Variants in GAD2 observed in about 807,000 individuals in gnomAD.
GAD2 encodes glutamate decarboxylase 2, also known as 65 kDa glutamic acid decarboxylase.
GAD2 carries 22 observed loss-of-function variants against 80.1 expected under a neutral mutation model. The observed-to-expected ratio is 0.27, with a 90% CI of 0.20 to 0.39. The LOEUF (loss-of-function observed/expected upper bound fraction) is 0.39. GAD2 is among the 10% of genes least tolerant of loss of function. The pLI is 1.00. For synonymous variants in GAD2, 274 were observed against 256.9 expected (o/e 1.07, Z -0.64); for missense variants, 624 against 738.4 (o/e 0.85, Z 1.80).
chr10:26,252,542 C>T (rs1844891835), intron 8 of GAD2, among the ~76,000 whole-genome samples: 1 of 151,868 alleles, frequency 6.6e-6, no homozygotes, highest in South Asian at 2.1e-4. Flanking sequence ...AGGATCTTAT[C>T]ATGTCACCAT....
chr10:26,231,071 C>T (rs887335526), intron 7 of GAD2, among the ~76,000 whole-genome samples: 1 of 152,146 alleles, frequency 6.6e-6, no homozygotes, highest in Non-Finnish European at 1.5e-5. Flanking sequence ...GCCTGGGCAA[C>T]AGAGCCACAC....
chr10:26,240,731 C>CAAA (rs35729928), intron 7 of GAD2, among the ~76,000 whole-genome samples: 106 of 123,332 alleles, frequency 8.6e-4, no homozygotes, highest in East Asian at 2.2e-3. Flanking sequence ...GACTCCATCA[C>CAAA]AAAAAAAAAA....
In GAD2 at chr10:26,286,403, A is replaced by G; in HGVS notation, c.1295A>G (p.His432Arg). 2 of 1,614,040 alleles carry G rather than the reference A, an allele frequency of 1.2e-6. No individual in the cohort carries two copies. Among genetic ancestry groups the G allele is most frequent in the Non-Finnish European group, 1.7e-6 (2 of 1,179,932 alleles). ...TCCTACCTCTTTCAGCAAGATAAAC[A>G]TTATGACCTGTCCTATGACACTGGA... ...HASYLFQQDKHYDLSYDTGDK... is the reference protein window; with the variant it reads ...HASYLFQQDKRYDLSYDTGDK... The change falls in exon 13 of 16, where the codon CAT (histidine) becomes CGT (arginine). Residue 432 changes from histidine (H) to arginine (R), a missense_variant. By Grantham distance (29) the His-to-Arg change is conservative. Coordinates refer to ENST00000376261, the MANE Select transcript of GAD2 (RefSeq NM_001134366.2).
chr10:26,242,860 C>A (rs781764546), intron 7 of GAD2, among the ~76,000 whole-genome samples: 1 of 152,174 alleles, frequency 6.6e-6, no homozygotes, highest in East Asian at 1.9e-4. Flanking sequence ...TACTTATCCC[C>A]AGTTCGCCTT....
intron 7 of GAD2, among the ~76,000 whole-genome samples, chr10:26,235,020 A>G (rs1844654091): frequency 6.6e-6 from 1 of 152,060 alleles, no homozygotes; most frequent in Non-Finnish European, 1.5e-5. Context: ...CTACAGGTGC[A>G]TGCCACCACA....
intron 11 of GAD2, among the ~76,000 whole-genome samples, chr10:26,275,624 A>G (rs1845191738): frequency 6.6e-6 from 1 of 152,260 alleles, no homozygotes; most frequent in African/African-American, 2.4e-5. Flanking sequence ...TCACTGACTT[A>G]TTAGCAAAAG....
chr10:26,262,387 G>T (rs929090732), intron 8 of GAD2, among the ~76,000 whole-genome samples: 2 of 149,938 alleles, frequency 1.3e-5, no homozygotes. Context: ...GCTTTACATA[G>T]AATGCTTTAA....
intron 6 of GAD2, among the ~76,000 whole-genome samples, chr10:26,226,351 G>C (rs1844522641): frequency 6.6e-6 from 1 of 152,162 alleles, no homozygotes; most frequent in East Asian, 1.9e-4. Flanking sequence ...TTTTCACATG[G>C]AGAAGACTTC....
intron 7 of GAD2, among the ~76,000 whole-genome samples, chr10:26,245,164 A>G (rs984413946): frequency 7.0e-6 from 1 of 143,786 alleles, no homozygotes; most frequent in South Asian, 2.1e-4. Context: ...AAAAAAAAAA[A>G]AAAAAGAAAA....
rs57131618 is a variant in GAD2, at chr10:26,236,627, T to C, written c.840+6850T>C. ...TAAAGATGACTTTCACGTATCATTA[T>C]TGGAGAGGTTTTTAGTTTCAAAAAT... On this transcript the variant is annotated intron_variant, in intron 7 of 15. Transcript: ENST00000376261. 4.9e-4 allele frequency among the ~76,000 whole-genome samples: 74 copies of C among 152,332 alleles called. No individual in the cohort carries two copies. The East Asian group carries it at 0.014, about 29-fold the overall frequency.
At chr10:26,286,598 T>A (rs1221051398) in intron 13 of GAD2, 104 bp downstream of exon 13, 1 of 1,187,514 alleles carries the variant, frequency 8.4e-7, no homozygotes, top group Non-Finnish European at 1.1e-6. Flanking sequence ...GAAATTTCCT[T>A]ACCCAAGATT....
At chr10:26,218,507 A>G (rs888420574) in intron 3 of GAD2, among the ~76,000 whole-genome samples, 4 of 151,820 alleles carry the variant, frequency 2.6e-5, no homozygotes, top group Admixed American at 2.0e-4. Context: ...GTACGCGCGC[A>G]CACACACATG....
At chr10:26,224,500 G>C in intron 5 of GAD2, 39 bp from the exon 6 acceptor site, 1 of 1,147,768 alleles carries the variant, frequency 8.7e-7, no homozygotes, top group Non-Finnish European at 1.3e-6. Flanking sequence ...TTATTTATCT[G>C]AGTTACAGAG....
At chr10:26,242,772 A>G (rs926609541) in intron 7 of GAD2, among the ~76,000 whole-genome samples, 1 of 152,118 alleles carries the variant, frequency 6.6e-6, no homozygotes, top group Non-Finnish European at 1.5e-5. Context: ...ATTGCTCCTC[A>G]TTTAAGAACC....
intron 11 of GAD2, among the ~76,000 whole-genome samples, chr10:26,279,891 A>G (rs1363658010): frequency 1.3e-5 from 2 of 152,224 alleles, no homozygotes; most frequent in Non-Finnish European, 2.9e-5. Flanking sequence ...GGGCCTTGCC[A>G]GAAGCTACTA....
chr10:26,229,874 T>A, intron 7 of GAD2, 97 bp downstream of exon 7: 1 of 850,188 alleles, frequency 1.2e-6, no homozygotes, highest in African/African-American at 1.7e-5. Context: ...AGAGGCCCTC[T>A]TTCTGGAAGA....
chr10:26,248,244 A>C (rs1448041917), intron 8 of GAD2, among the ~76,000 whole-genome samples: 1 of 152,198 alleles, frequency 6.6e-6, no homozygotes, highest in African/African-American at 2.4e-5. Flanking sequence ...TTGAAGCAGG[A>C]CTTATAGGAC....
At chr10:26,254,681 A>T (rs1283795417) in intron 8 of GAD2, among the ~76,000 whole-genome samples, 2 of 152,268 alleles carry the variant, frequency 1.3e-5, no homozygotes, top group African/African-American at 4.8e-5. Flanking sequence ...GGTTTTGAGC[A>T]GGGGAACAAC....
rs1348548500 is a variant in GAD2, at chr10:26,260,635, C to CA, written c.921-8476dup. On this transcript the variant is annotated intron_variant, in intron 8 of 15. Coordinates refer to ENST00000376261, the MANE Select transcript of GAD2 (RefSeq NM_001134366.2). ...AGAGCAAGATTCCATCTCAAGAAAACAAAAAAAACTTTCCAGACGTAGAAT... is the reference window on the plus strand; with the variant it reads ...AGAGCAAGATTCCATCTCAAGAAAACAAAAAAAAACTTTCCAGACGTAGAAT... 6.6e-5 allele frequency among the ~76,000 whole-genome samples: 10 copies of CA among 151,676 alleles called. No homozygotes were observed. In the East Asian group the frequency reaches 9.7e-4, roughly 15 times the overall value.
Sources: gnomAD v4.1 joint callset for allele counts (sites outside exome capture counted in the v4.1 genomes callset) on GRCh38, gnomAD v4.1.1 for gene constraint, MANE v1.5 for transcripts, NCBI Gene and HGNC (gene_info 2026-07-23, HGNC 2026-07-21) for gene names.